The following TICRR variants were observed in gnomAD, a reference collection of about 807,000 sequenced individuals.
TICRR encodes the protein TOPBP1 interacting checkpoint and replication regulator, also known as treslin.
TICRR carries 132 observed loss-of-function variants against 178.1 expected under a neutral mutation model. The ratio of observed to expected loss-of-function variants is 0.74; its 90% CI spans 0.64 to 0.86. The LOEUF (loss-of-function observed/expected upper bound fraction) is 0.86, where lower values mean the gene tolerates loss of function less well. TICRR is among the 40% of genes least tolerant of loss of function. TICRR has a pLI of 0.00. For missense variants in TICRR, 2,587 were observed against 2,334.3 expected (o/e 1.11, Z -2.23); for synonymous variants, 991 against 900.7 (o/e 1.10, Z -1.79).
Position 89,575,484 on chromosome 15 carries a change from G to A in TICRR, c.-103G>A. The A allele has an allele frequency of 1.7e-6, 2 of 1,186,500 alleles. No homozygotes were observed. Among genetic ancestry groups the A allele is most frequent in the Non-Finnish European group, 2.2e-6 (2 of 889,592 alleles). The allele number at this position is 1,186,500 out of a possible 1,614,324, so 73.5% of individuals were successfully genotyped here. A position where few individuals can be genotyped will look rare whatever the true frequency, so the allele number is the denominator to read the frequency against. On this transcript the variant is annotated 5_prime_UTR_variant, in exon 1 of 22. Coordinates refer to ENST00000268138, the MANE Select transcript of TICRR (RefSeq NM_152259.4). Reference sequence around the variant, plus strand: ...AGAGCGCGGGAGCCTTTCGACCAGGGTCCCAAAGGAAAGCAGTGAGTGGTG... The same window carrying A: ...AGAGCGCGGGAGCCTTTCGACCAGGATCCCAAAGGAAAGCAGTGAGTGGTG...
intron 8 of TICRR, 55 bp downstream of exon 8, chr15:89,599,530 T>A: frequency 6.4e-7 from 1 of 1,558,294 alleles, no homozygotes; most frequent in Non-Finnish European, 8.7e-7. Flanking sequence ...GGTTGGTTGG[T>A]TGGTGGTGGA....
At chr15:89,607,952 G>C (rs1336115336) in intron 14 of TICRR, among the ~76,000 whole-genome samples, 1 of 152,134 alleles carries the variant, frequency 6.6e-6, no homozygotes. Flanking sequence ...CAGCAGCTTA[G>C]TAAAGTAGTC....
intron 4 of TICRR, among the ~76,000 whole-genome samples, chr15:89,586,762 A>T (rs781556677): frequency 6.6e-6 from 1 of 152,124 alleles, no homozygotes; most frequent in Non-Finnish European, 1.5e-5. Flanking sequence ...GTGTTAGAGG[A>T]ATGGCAGGGA....
At chr15:89,598,186 G>A (rs1441225901) in intron 7 of TICRR, among the ~76,000 whole-genome samples, 1 of 151,976 alleles carries the variant, frequency 6.6e-6, no homozygotes, top group Non-Finnish European at 1.5e-5. Flanking sequence ...TGTTAGCCAG[G>A]ATGGTCTCGA....
Position 89,619,834 on chromosome 15 carries a change from A to G in TICRR, c.3146A>G (p.Asp1049Gly), listed in dbSNP as rs753653248. The G allele has an allele frequency of 1.2e-6, 2 of 1,611,680 alleles. No individual in the cohort carries two copies. The highest frequency in any genetic ancestry group is 2.2e-5 in the East Asian group (1 of 44,806). Residue 1049 changes from aspartate (D) to glycine (G), a missense_variant, in exon 18 of 22, where the codon GAT becomes GGT. Transcript: ENST00000268138. ...CAAAGAGTCCACTCTTTCCAGCAAGATAAGTCAGGTAACATACGGGCCCCT... is the reference window on the plus strand; with the variant it reads ...CAAAGAGTCCACTCTTTCCAGCAAGGTAAGTCAGGTAACATACGGGCCCCT... ...SVQRVHSFQQ[D>G]KSDQRENSPV...
At position 89,625,707 on chromosome 15, in the gene TICRR, T is replaced by C. The variant is rs758269362; in HGVS notation, c.5397T>C (p.Val1799=). ...GTGACCTGAGAGAAGATTCAGAAGTTAGTAAGAGTAAAGAGGGGTCTCCAA... is the reference window on the plus strand; with the variant it reads ...GTGACCTGAGAGAAGATTCAGAAGTCAGTAAGAGTAAAGAGGGGTCTCCAA... ...RICDLREDSE[V]SKSKEGSPSW... The change falls in exon 20 of 22, where the codon GTT becomes GTC. Residue 1799 remains valine (V), a synonymous_variant. Transcript: ENST00000268138. 1 of 1,613,402 alleles carries C rather than the reference T, an allele frequency of 6.2e-7. No individual in the cohort carries two copies. Among genetic ancestry groups the C allele is most frequent in the African/African-American group, 1.3e-5 (1 of 75,008 alleles).
At chr15:89,614,784 A>T (rs1372782154) in intron 15 of TICRR, among the ~76,000 whole-genome samples, 1 of 152,192 alleles carries the variant, frequency 6.6e-6, no homozygotes, top group East Asian at 1.9e-4. Context: ...GCCTCTGCTC[A>T]GTGGTCTTAG....
Position 89,584,284 on chromosome 15 carries a change from A to T in TICRR, c.935-2A>T. ...CCTGGTCTAATTAATCTTTATTTCTAGCAGGCAAAGAGATTCAAGAAACAT... is the reference window on the plus strand; with the variant it reads ...CCTGGTCTAATTAATCTTTATTTCTTGCAGGCAAAGAGATTCAAGAAACAT... On this transcript the variant is annotated splice_acceptor_variant, in intron 2 of 21. Coordinates refer to ENST00000268138, the MANE Select transcript of TICRR (RefSeq NM_152259.4). LOFTEE classifies it high-confidence loss of function. 6.3e-7 allele frequency: 1 copy of T among 1,588,438 alleles called. No homozygotes were observed. The highest frequency in any genetic ancestry group is 8.6e-7 in the Non-Finnish European group (1 of 1,168,960).
intron 18 of TICRR, 120 bp downstream of exon 18, chr15:89,619,962 T>A: frequency 8.0e-7 from 1 of 1,256,574 alleles, no homozygotes; most frequent in Non-Finnish European, 1.1e-6. Flanking sequence ...AGAATAGGTA[T>A]GTCTAGTTGA....
chr15:89,595,911 C>T (rs1159168285), intron 7 of TICRR, among the ~76,000 whole-genome samples: 1 of 151,920 alleles, frequency 6.6e-6, no homozygotes, highest in African/African-American at 2.4e-5. Flanking sequence ...AAATTTTATG[C>T]TGCTTTACAG....
At chr15:89,604,685 C>T (rs933113103) in intron 13 of TICRR, among the ~76,000 whole-genome samples, 5 of 149,890 alleles carry the variant, frequency 3.3e-5, no homozygotes, top group East Asian at 2.0e-4. Flanking sequence ...GTAGGAGGAT[C>T]GCTTGAGCCT....
In TICRR at chr15:89,624,748, AGTAAC is replaced by A; in HGVS notation, c.4441_4445del (p.Asn1481LeufsTer7). 6.2e-7 allele frequency: 1 copy of A among 1,614,222 alleles called. No individual in the cohort carries two copies. Among genetic ancestry groups the A allele is most frequent in the Non-Finnish European group, 8.5e-7 (1 of 1,180,048 alleles). ...ACACCATGGCATTGGTGACTTGAAA[AGTAAC>A]GTCTTATCAGTGGAAGAGGGTGAGG... On this transcript the variant is annotated frameshift_variant, in exon 20 of 22. Coordinates refer to ENST00000268138, the MANE Select transcript of TICRR (RefSeq NM_152259.4). LOFTEE classifies it high-confidence loss of function.
At chr15:89,614,494 T>C (rs774470709) in intron 15 of TICRR, among the ~76,000 whole-genome samples, 1 of 152,018 alleles carries the variant, frequency 6.6e-6, no homozygotes, top group Non-Finnish European at 1.5e-5. Context: ...CACTCCTGGC[T>C]AATTTTTGTA....
intron 15 of TICRR, among the ~76,000 whole-genome samples, chr15:89,613,971 A>G (rs1375882361): frequency 4.6e-5 from 7 of 151,908 alleles, no homozygotes; most frequent in Admixed American, 3.3e-4. Flanking sequence ...TGGCTAACAC[A>G]GTGAAACCCC....
At chr15:89,616,735 T>C (rs1430732049) in intron 16 of TICRR, among the ~76,000 whole-genome samples, 1 of 152,250 alleles carries the variant, frequency 6.6e-6, no homozygotes, top group African/African-American at 2.4e-5. Flanking sequence ...TCATCCTGTT[T>C]TATTGCTGAG....
Position 89,581,422 on chromosome 15 carries a change from T to C in TICRR, c.655-1264T>C, listed in dbSNP as rs1047456786. Among the ~76,000 whole-genome samples the C allele has an allele frequency of 2.6e-5, 4 of 152,102 alleles. No individual in the cohort carries two copies. The East Asian group carries it at 7.7e-4, about 29-fold the overall frequency. On this transcript the variant is annotated intron_variant, in intron 1 of 21. Transcript: ENST00000268138. ...CACATAGAAGTTACTCAATAAAAGT[T>C]TGTTGACAGAAGGTTGACTGAAGAG...
At chr15:89,589,302 C>T (rs1015163547) in intron 4 of TICRR, among the ~76,000 whole-genome samples, 3 of 152,096 alleles carry the variant, frequency 2.0e-5, no homozygotes, top group Non-Finnish European at 2.9e-5. Flanking sequence ...TGGTGCTGAA[C>T]CTGTGAGTTT....
In TICRR at chr15:89,624,352, A is replaced by G. The variant is rs776284559; in HGVS notation, c.4042A>G (p.Ser1348Gly). 1.9e-6 allele frequency: 3 copies of G among 1,614,156 alleles called. No individual in the cohort carries two copies. The South Asian group carries it at 3.3e-5, about 18-fold the overall frequency. Residue 1348 changes from serine (S) to glycine (G), a missense_variant, in exon 20 of 22, where the codon AGC (serine) becomes GGC (glycine). Ser to Gly is a moderately conservative substitution (Grantham distance 56, BLOSUM62 0). Transcript: ENST00000268138. ...LDQKEPQMSP[S>G]VAASLSCPVP... ...TCAGAAAGAGCCCCAGATGTCACCC[A>G]GCGTAGCTGCATCTCTCTCCTGCCC...
rs761741159 is a variant in TICRR at position 89,608,895 on chromosome 15, G to C, written c.2815G>C (p.Val939Leu). ...GCGGGGGTTGCCTAGAAGCCATTCT[G>C]TGTCAGCTGTGGATGGTCTAGAGGA... is the stretch of plus-strand genomic sequence containing the variant. The part of the protein sequence containing the change: ...LKRGLPRSHS[V>L]SAVDGLEDKL... Residue 939 changes from valine to leucine, a missense_variant, in exon 15 of 22, where the codon GTG (valine) becomes CTG (leucine). Coordinates refer to ENST00000268138, the MANE Select transcript of TICRR (RefSeq NM_152259.4). 3.7e-6 allele frequency: 6 copies of C among 1,611,406 alleles called. No individual in the cohort carries two copies. Among genetic ancestry groups the C allele is most frequent in the South Asian group, 1.1e-5 (1 of 90,574 alleles).
Sources: gnomAD v4.1 joint callset for allele counts (sites outside exome capture counted in the v4.1 genomes callset) on GRCh38, gnomAD v4.1.1 for gene constraint, MANE v1.5 for transcripts, NCBI Gene and HGNC (gene_info 2026-07-23, HGNC 2026-07-21) for gene names.